The following SPEF2 variants were observed in gnomAD, a reference collection of about 807,000 sequenced individuals.
The protein encoded by SPEF2 is sperm flagellar and cilia associated 2, also known as sperm flagella and cilia-associated protein 2.
Under a neutral mutation model 224.6 loss-of-function variants are expected in SPEF2, and 187 were observed. The ratio of observed to expected loss-of-function variants is 0.83; its 90% CI spans 0.74 to 0.94. The LOEUF is 0.94. SPEF2 is among the 40% of genes least tolerant of loss of function. The probability of loss-of-function intolerance (pLI) is 0.00; values close to 1 mark genes in which losing one functional copy is unlikely to be tolerated. For missense variants in SPEF2, 2,170 were observed against 2,135.6 expected, an observed-to-expected ratio of 1.02 and a Z score of -0.32; for synonymous variants, 715 against 707.3, an observed-to-expected ratio of 1.01 and a Z score of -0.17.
rs536986627 is a variant in SPEF2, at chr5:35,723,999, A to T, written c.2915-3676A>T. 2.0e-5 allele frequency among the ~76,000 whole-genome samples: 3 copies of T among 152,330 alleles called. No individual in the cohort carries two copies. In the South Asian group the frequency reaches 6.2e-4, roughly 32 times the overall value. ...TATAATACAATTTATAAGCATAATA[A>T]CAAACTACCTCTTATAAAGTACCTT... On this transcript the variant is annotated intron_variant, in intron 20 of 36. Transcript: ENST00000356031.
chr5:35,759,116 T>G (rs905990432), intron 24 of SPEF2, among the ~76,000 whole-genome samples: 1 of 139,280 alleles, frequency 7.2e-6, no homozygotes, highest in Non-Finnish European at 1.5e-5. Flanking sequence ...GAACCCAGTG[T>G]TTTTTTTTGT....
chr5:35,689,288 T>G (rs1754097685), intron 10 of SPEF2, among the ~76,000 whole-genome samples: 1 of 152,214 alleles, frequency 6.6e-6, no homozygotes, highest in Non-Finnish European at 1.5e-5. Context: ...ATACTATAGT[T>G]GTACCTAACA....
chr5:35,634,742 A>G (rs932086055), intron 2 of SPEF2, among the ~76,000 whole-genome samples: 1 of 152,078 alleles, frequency 6.6e-6, no homozygotes, highest in Non-Finnish European at 1.5e-5. Context: ...CATTGACATA[A>G]TACAGAGATT....
At chr5:35,685,711 A>G (rs1753509212) in intron 10 of SPEF2, among the ~76,000 whole-genome samples, 1 of 152,052 alleles carries the variant, frequency 6.6e-6, no homozygotes, top group African/African-American at 2.4e-5. Flanking sequence ...TATAAATCAC[A>G]CATCATCTAT....
intron 6 of SPEF2, among the ~76,000 whole-genome samples, chr5:35,651,114 T>C (rs1748132878): frequency 6.6e-6 from 1 of 152,244 alleles, no homozygotes; most frequent in African/African-American, 2.4e-5. Flanking sequence ...CTATCTGAAA[T>C]AGCTTCTTTC....
chr5:35,730,125 G>C (rs1280753542), intron 21 of SPEF2, among the ~76,000 whole-genome samples: 4 of 152,090 alleles, frequency 2.6e-5, no homozygotes, highest in Non-Finnish European at 5.9e-5. Context: ...ACCTTCTAAG[G>C]GCCCCAGGTA....
Position 35,658,956 on chromosome 5 carries a change from G to C in SPEF2, c.979-63G>C, listed in dbSNP as rs1410800049. 3.7e-6 allele frequency: 5 copies of C among 1,336,456 alleles called. No homozygotes were observed. The Admixed American group carries it at 1.3e-4, about 34-fold the overall frequency. 82.8% of individuals were successfully genotyped at this position (1,336,456 alleles called of 1,614,324 possible). On this transcript the variant is annotated intron_variant, in intron 7 of 36. Coordinates refer to ENST00000356031, the MANE Select transcript of SPEF2 (RefSeq NM_024867.4). ...CCTTTTGTATATTGTTTCTGTATAG[G>C]CTTCGTAGCTCAGCGGGAAATTTGG...
At chr5:35,670,975 C>G (rs559236715) in intron 10 of SPEF2, 1 of 985,350 alleles carries the variant, frequency 1.0e-6, no homozygotes, top group African/African-American at 1.7e-5. Flanking sequence ...CCATCCTACT[C>G]TCCCCATCCC....
chr5:35,671,048 TG>T, intron 10 of SPEF2: 1 of 985,318 alleles, frequency 1.0e-6, no homozygotes. Context: ...AAATTTTGAG[TG>T]GATCAACAGC....
chr5:35,656,666 G>C (rs1438104744), intron 7 of SPEF2, among the ~76,000 whole-genome samples: 7 of 152,148 alleles, frequency 4.6e-5, no homozygotes, highest in Admixed American at 2.0e-4. Context: ...CTGGAAAATG[G>C]AATAAATGAA....
chr5:35,725,857 A>C (rs1315213621), intron 20 of SPEF2, among the ~76,000 whole-genome samples: 1 of 151,940 alleles, frequency 6.6e-6, no homozygotes, highest in African/African-American at 2.4e-5. Flanking sequence ...TTCTTACAAC[A>C]AAAAAAATTG....
chr5:35,731,224 G>T (rs1745589052), intron 21 of SPEF2, among the ~76,000 whole-genome samples: 1 of 152,164 alleles, frequency 6.6e-6, no homozygotes, highest in South Asian at 2.1e-4. Flanking sequence ...ATAAGGTTTT[G>T]TGAGTCCTAA....
intron 26 of SPEF2, among the ~76,000 whole-genome samples, chr5:35,765,885 T>C (rs1752026829): frequency 1.3e-5 from 2 of 152,120 alleles, no homozygotes; most frequent in Admixed American, 6.6e-5. Context: ...TCTGCCTGTA[T>C]TATATAATTT....
Position 35,753,685 on chromosome 5 carries a change from G to A in SPEF2, c.3392G>A (p.Arg1131Gln), listed in dbSNP as rs572380741. Reference protein sequence around the residue: ...DARKEEAEQERLDIINESWLQ... With the variant: ...DARKEEAEQEQLDIINESWLQ... ...CGGAAGGAAGAGGCGGAGCAGGAGC[G>A]GCTTGACATCATTAATGAGAGCTGG... Residue 1131 changes from arginine to glutamine, a missense_variant, in exon 24 of 37, where the codon CGG becomes CAG. Physicochemically the swap from Arg to Gln is conservative, Grantham distance 43. Coordinates refer to ENST00000356031, the MANE Select transcript of SPEF2 (RefSeq NM_024867.4). The A allele has an allele frequency of 4.0e-5, 65 of 1,614,114 alleles. No individual in the cohort carries two copies. The highest frequency in any genetic ancestry group is 1.6e-4 in the East Asian group (7 of 44,872).
chr5:35,774,844 A>G (rs1753382977), intron 28 of SPEF2, among the ~76,000 whole-genome samples: 1 of 152,076 alleles, frequency 6.6e-6, no homozygotes, highest in Admixed American at 6.6e-5. Flanking sequence ...TAAAACCCCA[A>G]CAATAAAATC....
chr5:35,628,710 G>A (rs1270736238), intron 2 of SPEF2, 148 bp downstream of exon 2: 1 of 573,048 alleles, frequency 1.7e-6, no homozygotes, highest in Non-Finnish European at 3.0e-6. Flanking sequence ...TCTTGCCTCG[G>A]CTTCCCAAAT....
At chr5:35,793,991 T>C (rs1756319662) in intron 32 of SPEF2, among the ~76,000 whole-genome samples, 1 of 152,190 alleles carries the variant, frequency 6.6e-6, no homozygotes, top group Non-Finnish European at 1.5e-5. Flanking sequence ...CAGTAGGGTA[T>C]GTAATAGTTG....
At chr5:35,666,197 T>C (rs1455145987) in intron 8 of SPEF2, among the ~76,000 whole-genome samples, 1 of 152,154 alleles carries the variant, frequency 6.6e-6, no homozygotes. Flanking sequence ...CATTTGATAC[T>C]CACTGGGTTG....
chr5:35,696,793 A>G (rs939950957), intron 14 of SPEF2, among the ~76,000 whole-genome samples: 16 of 152,166 alleles, frequency 1.1e-4, no homozygotes, highest in African/African-American at 3.9e-4. Flanking sequence ...AAGGGCAACA[A>G]AAGAGGCACA....
Sources: allele counts gnomAD v4.1 joint callset (sites outside exome capture counted in the v4.1 genomes callset), GRCh38; gene constraint gnomAD v4.1.1; transcripts MANE v1.5; gene names NCBI Gene and HGNC (gene_info 2026-07-23, HGNC 2026-07-21).